Variants in CSTPP1 observed in about 807,000 individuals in gnomAD.
CSTPP1 encodes centriolar satellite-associated tubulin polyglutamylase complex regulator 1.
At chr11:47,164,077 C>T in the CSTPP1 span, 2 of 1,596,568 alleles carry the variant, frequency 1.3e-6, no homozygotes, top group Non-Finnish European at 1.7e-6. Flanking sequence ...CCAGCTCTTT[C>T]CTCTGCGTGC....
the CSTPP1 span, chr11:47,158,127 T>G: frequency 1.7e-6 from 1 of 576,624 alleles, no homozygotes; most frequent in Non-Finnish European, 3.1e-6. Flanking sequence ...CAGCCCTCCC[T>G]GCCTGCAGCC....
the CSTPP1 span, among the ~76,000 whole-genome samples, chr11:47,051,749 T>C: frequency 1.7e-4 from 25 of 149,628 alleles, no homozygotes; most frequent in Admixed American, 1.7e-3. Flanking sequence ...TGGAGTGCAG[T>C]GGCATGATCT....
the CSTPP1 span, among the ~76,000 whole-genome samples, chr11:47,038,052 G>A: frequency 7.2e-5 from 8 of 111,062 alleles, 1 homozygote; most frequent in East Asian, 2.4e-4. Flanking sequence ...AGGGGCGGCC[G>A]GGCAGAGGCG....
At chr11:47,163,092 A>C in the CSTPP1 span, among the ~76,000 whole-genome samples, 1 of 151,488 alleles carries the variant, frequency 6.6e-6, no homozygotes, top group Admixed American at 6.6e-5. Context: ...AGATCACTTG[A>C]ACCCAGGAGG....
chr11:46,940,835 T>G, the CSTPP1 span, among the ~76,000 whole-genome samples: 1 of 152,228 alleles, frequency 6.6e-6, no homozygotes, highest in Non-Finnish European at 1.5e-5. Context: ...CAGTACTCAA[T>G]GAATATATGA....
the CSTPP1 span, among the ~76,000 whole-genome samples, chr11:47,102,963 A>AG: frequency 2.2e-5 from 3 of 139,212 alleles, no homozygotes; most frequent in African/African-American, 8.0e-5. Flanking sequence ...CATCAAGGGT[A>AG]GGAATGATCT....
the CSTPP1 span, chr11:47,130,840 G>A: frequency 2.6e-5 from 4 of 152,346 alleles, no homozygotes; most frequent in Admixed American, 2.6e-4. Context: ...GTGTCATTTA[G>A]AGTGAGCCTT....
chr11:46,955,347 G>T, the CSTPP1 span, among the ~76,000 whole-genome samples: 25 of 143,356 alleles, frequency 1.7e-4, no homozygotes, highest in Non-Finnish European at 3.5e-4. Context: ...CAGTAGTGTG[G>T]TTTTTTTTTT....
At chr11:47,161,021 G>C in the CSTPP1 span, 2 of 1,448,584 alleles carry the variant, frequency 1.4e-6, no homozygotes, top group South Asian at 2.4e-5. Flanking sequence ...ATCGGCCCTC[G>C]CAGGGTCAGC....
At chr11:47,075,910 G>A in the CSTPP1 span, among the ~76,000 whole-genome samples, 1 of 114,274 alleles carries the variant, frequency 8.8e-6, no homozygotes, top group Admixed American at 1.2e-4. Context: ...CTGGGTGACA[G>A]AGCGAGATTC....
chr11:46,983,930 C>T, the CSTPP1 span, among the ~76,000 whole-genome samples: 1 of 152,184 alleles, frequency 6.6e-6, no homozygotes, highest in Non-Finnish European at 1.5e-5. Flanking sequence ...AACACCAGGG[C>T]TTTCTATTTC....
the CSTPP1 span, among the ~76,000 whole-genome samples, chr11:47,107,622 G>A: frequency 1.3e-5 from 2 of 151,998 alleles, no homozygotes; most frequent in South Asian, 4.1e-4. Flanking sequence ...TTTTTTTCAA[G>A]GAGTTTGTCC....
the CSTPP1 span, among the ~76,000 whole-genome samples, chr11:47,156,342 T>A: frequency 2.0e-5 from 3 of 152,198 alleles, no homozygotes; most frequent in Admixed American, 2.0e-4. Flanking sequence ...AGCCACCACA[T>A]TGGGCTGGGA....
At chr11:46,940,447 G>A in the CSTPP1 span, among the ~76,000 whole-genome samples, 1 of 152,172 alleles carries the variant, frequency 6.6e-6, no homozygotes, top group African/African-American at 2.4e-5. Flanking sequence ...CCCTTAATAG[G>A]TGTTGTACCA....
the CSTPP1 span, among the ~76,000 whole-genome samples, chr11:47,010,091 G>A: frequency 2.1e-3 from 323 of 152,268 alleles, no homozygotes; most frequent in African/African-American, 7.5e-3. Context: ...ATACGGTCAG[G>A]AAAGAATTCA....
At chr11:46,979,542 A>G in the CSTPP1 span, among the ~76,000 whole-genome samples, 2 of 152,152 alleles carry the variant, frequency 1.3e-5, no homozygotes, top group Non-Finnish European at 2.9e-5. Context: ...GTGCTACTTT[A>G]GATTTCTCTG....
chr11:46,957,231 C>T, the CSTPP1 span, among the ~76,000 whole-genome samples: 1 of 152,162 alleles, frequency 6.6e-6, no homozygotes, highest in East Asian at 1.9e-4. Flanking sequence ...TCATCTTTAT[C>T]ATGGGTATTA....
At chr11:47,161,090 C>T in the CSTPP1 span, 1 of 1,613,614 alleles carries the variant, frequency 6.2e-7, no homozygotes, top group Admixed American at 1.7e-5. Context: ...GCTGAAGGGC[C>T]CTCAGATTAA....
the CSTPP1 span, among the ~76,000 whole-genome samples, chr11:47,026,136 A>G: frequency 6.6e-6 from 1 of 152,242 alleles, no homozygotes. Context: ...CTGAAGAGAA[A>G]GAAATAACAG....
Sources: gnomAD v4.1 joint callset for allele counts (sites outside exome capture counted in the v4.1 genomes callset) on GRCh38, gnomAD v4.1.1 for gene constraint, MANE v1.5 for transcripts, NCBI Gene and HGNC (gene_info 2026-07-23, HGNC 2026-07-21) for gene names.